NXPH1: variants seen among roughly 807,000 people sequenced by gnomAD.
The protein encoded by NXPH1 is neurexophilin 1.
NXPH1 carries 5 observed loss-of-function variants against 23.7 expected under a neutral mutation model. That is an observed-to-expected ratio of 0.21 (90% CI 0.11 to 0.44). The LOEUF is 0.44. NXPH1 is among the 20% of genes least tolerant of loss of function. The pLI, the probability that NXPH1 is intolerant of heterozygous loss-of-function variation, is 0.99. For synonymous variants in NXPH1, 144 were observed against 122.2 expected, an observed-to-expected ratio of 1.18 and a Z score of -1.18; for missense variants, 324 against 321.6, an observed-to-expected ratio of 1.01 and a Z score of -0.06.
intron 2 of NXPH1, among the ~76,000 whole-genome samples, chr7:8,688,193 G>A (rs1043403920): frequency 6.6e-6 from 1 of 151,986 alleles, no homozygotes; most frequent in Non-Finnish European, 1.5e-5. Context: ...CTGATCAAAG[G>A]GATGCTCTAG....
At chr7:8,593,336 A>C (rs905223876) in intron 2 of NXPH1, among the ~76,000 whole-genome samples, 5 of 151,912 alleles carry the variant, frequency 3.3e-5, no homozygotes, top group African/African-American at 1.2e-4. Context: ...TTGCCCACCT[A>C]ATTTAGCTTT....
intron 2 of NXPH1, among the ~76,000 whole-genome samples, chr7:8,668,644 G>A (rs1296342663): frequency 6.7e-6 from 1 of 149,780 alleles, no homozygotes; most frequent in African/African-American, 2.5e-5. Context: ...TAGGCTTTGA[G>A]CCTGAGTCTG....
intron 2 of NXPH1, among the ~76,000 whole-genome samples, chr7:8,448,841 A>T (rs993064773): frequency 7.1e-6 from 1 of 140,084 alleles, no homozygotes; most frequent in Non-Finnish European, 1.6e-5. Context: ...AAAAAAAAAA[A>T]GGACATTTCT....
chr7:8,549,346 T>G (rs899917078), intron 2 of NXPH1, among the ~76,000 whole-genome samples: 5 of 151,568 alleles, frequency 3.3e-5, no homozygotes, highest in Admixed American at 3.3e-4. Flanking sequence ...CCTATTGGAC[T>G]GTATTTGCAC....
intron 2 of NXPH1, among the ~76,000 whole-genome samples, chr7:8,463,091 A>G (rs985926236): frequency 6.6e-6 from 1 of 152,334 alleles, no homozygotes; most frequent in African/African-American, 2.4e-5. Context: ...ACTGACAAAT[A>G]TAATTCATAA....
chr7:8,525,085 G>T (rs1242238822), intron 2 of NXPH1, among the ~76,000 whole-genome samples: 2 of 152,188 alleles, frequency 1.3e-5, no homozygotes, highest in South Asian at 2.1e-4. Context: ...CTAGAGACTT[G>T]TTGAATGGCT....
chr7:8,552,130 A>C (rs1220247250), intron 2 of NXPH1, among the ~76,000 whole-genome samples: 8 of 149,350 alleles, frequency 5.4e-5, no homozygotes, highest in Admixed American at 4.7e-4. Flanking sequence ...AAAAAAAAAA[A>C]AAAAAAAAAA....
chr7:8,738,322 T>C (rs969966282), intron 2 of NXPH1, among the ~76,000 whole-genome samples: 54 of 152,174 alleles, frequency 3.5e-4, no homozygotes, highest in African/African-American at 1.3e-3. Flanking sequence ...TGGATGTCCT[T>C]TTTGTTGAGG....
intron 2 of NXPH1, among the ~76,000 whole-genome samples, chr7:8,472,210 C>A (rs1441044363): frequency 1.3e-5 from 2 of 152,066 alleles, no homozygotes; most frequent in African/African-American, 2.4e-5. Flanking sequence ...ACTTGTACAA[C>A]AGCTCTGCTT....
chr7:8,493,167 G>A (rs377438381), intron 2 of NXPH1, among the ~76,000 whole-genome samples: 2 of 152,000 alleles, frequency 1.3e-5, no homozygotes, highest in African/African-American at 4.8e-5. Flanking sequence ...ATTTGCCATT[G>A]CCAGGGTTAT....
chr7:8,589,444 A>ATG (rs1819046174), intron 2 of NXPH1, among the ~76,000 whole-genome samples: 1 of 152,114 alleles, frequency 6.6e-6, no homozygotes, highest in Non-Finnish European at 1.5e-5. Flanking sequence ...AGGAGAAGAT[A>ATG]GCTGAGAACT....
At chr7:8,505,317 A>C (rs1344828563) in intron 2 of NXPH1, among the ~76,000 whole-genome samples, 1 of 152,032 alleles carries the variant, frequency 6.6e-6, no homozygotes, top group African/African-American at 2.4e-5. Flanking sequence ...CAGTGCCAAC[A>C]ACCTTCTTGA....
chr7:8,726,674 T>C (rs1044732254), intron 2 of NXPH1, among the ~76,000 whole-genome samples: 6 of 150,188 alleles, frequency 4.0e-5, no homozygotes, highest in Admixed American at 4.0e-4. Flanking sequence ...CTCATCATTT[T>C]TTATGGCTGC....
At chr7:8,583,082 C>T (rs1765835514) in intron 2 of NXPH1, among the ~76,000 whole-genome samples, 1 of 152,010 alleles carries the variant, frequency 6.6e-6, no homozygotes, top group African/African-American at 2.4e-5. Context: ...TGACAGTGCC[C>T]AGGCTTGGTG....
intron 2 of NXPH1, among the ~76,000 whole-genome samples, chr7:8,719,270 C>A (rs1405818873): frequency 6.6e-6 from 1 of 152,180 alleles, no homozygotes; most frequent in Non-Finnish European, 1.5e-5. Flanking sequence ...TCATGGCCTA[C>A]TTGGCCTAGT....
At chr7:8,662,330 C>T (rs924515415) in intron 2 of NXPH1, among the ~76,000 whole-genome samples, 2 of 151,822 alleles carry the variant, frequency 1.3e-5, no homozygotes, top group African/African-American at 4.8e-5. Context: ...CTTGTGATTC[C>T]CATAAGTAAG....
At chr7:8,694,413 A>G (rs1471266752) in intron 2 of NXPH1, among the ~76,000 whole-genome samples, 1 of 152,200 alleles carries the variant, frequency 6.6e-6, no homozygotes, top group Non-Finnish European at 1.5e-5. Flanking sequence ...AACCACAGGG[A>G]TGACATTTTT....
intron 2 of NXPH1, among the ~76,000 whole-genome samples, chr7:8,471,942 C>T (rs56288709): frequency 0.37 from 56,611 of 151,492 alleles, 11,051 homozygotes; most frequent in East Asian, 0.61. Context: ...AGAGACATTA[C>T]GGGTAATTTT....
chr7:8,454,039 T>C (rs1816549958), intron 2 of NXPH1, among the ~76,000 whole-genome samples: 2 of 152,100 alleles, frequency 1.3e-5, no homozygotes, highest in Non-Finnish European at 2.9e-5. Flanking sequence ...AGCTAAATGA[T>C]GAGAACACAT....
Sources: gnomAD v4.1 joint callset for allele counts (sites outside exome capture counted in the v4.1 genomes callset) on GRCh38, gnomAD v4.1.1 for gene constraint, MANE v1.5 for transcripts, NCBI Gene and HGNC (gene_info 2026-07-23, HGNC 2026-07-21) for gene names.